Variants in MDC1 observed in about 807,000 individuals in gnomAD.
MDC1 encodes the protein mediator of DNA damage checkpoint 1.
A neutral mutation model predicts 142.5 loss-of-function variants in MDC1; 81 were observed. The ratio of observed to expected loss-of-function variants is 0.57; its 90% confidence interval spans 0.47 to 0.68. The LOEUF (loss-of-function observed/expected upper bound fraction) is 0.68, where lower values mean the gene tolerates loss of function less well. Ranked by LOEUF, MDC1 falls within the 30% of genes least tolerant of loss-of-function variation. The pLI is 0.00. For missense variants in MDC1, 2,119 were observed against 2,547.9 expected (o/e 0.83, Z 3.62); for synonymous variants, 797 against 968.4 (o/e 0.82, Z 3.29).
Position 30,712,665 on chromosome 6 carries a change from A to G in MDC1, c.1277T>C (p.Ile426Thr), listed in dbSNP as rs61733209. The G allele has an allele frequency of 1.6e-3, 2,555 of 1,612,944 alleles. 34 individuals carry two copies. The African/African-American group carries it at 0.03, about 19-fold the overall frequency. ...LAHLKESQPA[I>T]WNRDAEEDMP... ...GTCCTCTTCTGCATCTCTGTTCCAT[A>G]TAGCAGGCTGGCTCTCTTTCAGATG... Residue 426 changes from isoleucine to threonine, a missense_variant, in exon 5 of 15, where the codon ATA becomes ACA. Ile to Thr is a moderately conservative substitution (Grantham distance 89, BLOSUM62 -1). Transcript: ENST00000376406. The surrounding 1 kb of genome is among the most constrained non-coding windows in gnomAD (Gnocchi z 4.7).
Position 30,704,783 on chromosome 6 carries a change from G to A in MDC1, c.4400C>T (p.Pro1467Leu). ...CCTAGTAGCCTGAGACGTAGGCTCA[G>A]GGGTAACAGGCTGGTCTGTGGAGGT... ...PSTSTDQPVT[P>L]EPTSQATRGR... Residue 1467 changes from proline to leucine, a missense_variant, in exon 10 of 15, where the codon CCT becomes CTT. Pro to Leu is a moderately conservative substitution (Grantham distance 98). Transcript: ENST00000376406. 6.2e-7 allele frequency: 1 copy of A among 1,613,080 alleles called. No homozygotes were observed.
chr6:30,714,256 G>A (rs780707462), intron 2 of MDC1, 73 bp from the exon 3 acceptor site: 49 of 1,466,850 alleles, frequency 3.3e-5, no homozygotes, highest in Non-Finnish European at 4.4e-5. Flanking sequence ...TGCCTATTAG[G>A]TACTCTACTA....
Position 30,704,145 on chromosome 6 carries a change from G to T in MDC1, c.5038C>A (p.Gln1680Lys), listed in dbSNP as rs781383219. ...VTPEAIAQGG[Q>K]SKTLRSSTVR... ...GTGGAAGACCTCAGTGTTTTGCTCT[G>T]ACCACCCTGAGCTATGGCCTCAGGG... Residue 1680 changes from glutamine (Q) to lysine (K), a missense_variant, in exon 10 of 15, where the codon CAG becomes AAG. Transcript: ENST00000376406. 1.2e-6 allele frequency: 2 copies of T among 1,613,734 alleles called. No homozygotes were observed. The highest frequency in any genetic ancestry group is 1.7e-6 in the Non-Finnish European group (2 of 1,179,750).
rs1333565280 is a variant in MDC1 at position 30,712,544 on chromosome 6, A to G, written c.1398T>C (p.Asn466=). Residue 466 remains asparagine (N), a synonymous_variant, in exon 5 of 15, where the codon AAT becomes AAC. Coordinates refer to ENST00000376406, the MANE Select transcript of MDC1 (RefSeq NM_014641.3). This position sits in a 1 kb window ranked among gnomAD's most constrained non-coding sequence, Gnocchi z 4.7. The part of the protein sequence containing the change: ...DVEEEELPVE[N]REAVLKDHTK... ...TGTGATCCTTGAGGACAGCTTCTCT[A>G]TTTTCCACTGGGAGCTCTTCCTCCT... 19 of 1,611,620 alleles carry G rather than the reference A, an allele frequency of 1.2e-5. No homozygotes were observed. In the Admixed American group the frequency reaches 2.0e-4, roughly 17 times the overall value.
chr6:30,714,332 G>A, intron 2 of MDC1, 149 bp from the exon 3 acceptor site: 2 of 798,202 alleles, frequency 2.5e-6, no homozygotes, highest in Non-Finnish European at 3.8e-6. Context: ...CACTGAAAGA[G>A]TATATGCGAT....
chr6:30,707,919 C>T lies in MDC1; in HGVS notation c.2660G>A (p.Arg887Lys). 6.2e-7 allele frequency: 1 copy of T among 1,613,074 alleles called. No homozygotes were observed. Among genetic ancestry groups the T allele is most frequent in the Middle Eastern group, 1.6e-4 (1 of 6,062 alleles). The change falls in exon 8 of 15, where the codon AGG becomes AAG. Residue 887 changes from arginine (R) to lysine (K), a missense_variant. Arg to Lys is a conservative substitution (Grantham distance 26). Transcript: ENST00000376406. ...CTCAATTTCTACCTTCAAACTCTCC[C>T]TATCTCTTTCAGGACTTGCACTTTC... ...NGESASPERDRESLKVEIETS... is the reference protein window; with the variant it reads ...NGESASPERDKESLKVEIETS...
At position 30,705,832 on chromosome 6, in the gene MDC1, G is replaced by A. The variant is rs768803701; in HGVS notation, c.3351C>T (p.Pro1117=). ...IRTRKSSRMT[P]FPATSAAPEP... Reference sequence around the variant, plus strand: ...CAGGGGCAGCAGAGGTAGCTGGAAAGGGTGTCATTCTGGAGGACTTCCGAG... The same window carrying A: ...CAGGGGCAGCAGAGGTAGCTGGAAAAGGTGTCATTCTGGAGGACTTCCGAG... The change falls in exon 10 of 15, where the codon CCC becomes CCT. Residue 1117 remains proline (P), a synonymous_variant. Coordinates refer to ENST00000376406, the MANE Select transcript of MDC1 (RefSeq NM_014641.3). The A allele has an allele frequency of 9.3e-6, 15 of 1,612,098 alleles. No individual in the cohort carries two copies. The highest frequency in any genetic ancestry group is 3.3e-5 in the Admixed American group (2 of 59,806).
At chr6:30,710,586 G>A (rs138503053) in intron 7 of MDC1, among the ~76,000 whole-genome samples, 1,731 of 151,044 alleles carry the variant, frequency 0.011, 11 homozygotes, top group Middle Eastern at 0.028. Context: ...TAGTAGAGAC[G>A]GGGTTTCTCC....
At chr6:30,710,205 C>T (rs1774619834) in intron 7 of MDC1, among the ~76,000 whole-genome samples, 1 of 152,034 alleles carries the variant, frequency 6.6e-6, no homozygotes, top group Non-Finnish European at 1.5e-5. Context: ...TCTCCTGCTT[C>T]AGTCTCCCGA....
In MDC1 at chr6:30,705,411, G is replaced by C. The variant is rs763847944; in HGVS notation, c.3772C>G (p.Gln1258Glu). 14 of 1,605,610 alleles carry C rather than the reference G, an allele frequency of 8.7e-6. No individual in the cohort carries two copies. The highest frequency in any genetic ancestry group is 1.1e-5 in the South Asian group (1 of 90,246). Reference sequence around the variant, plus strand: ...TATGTGGGCTCAGAAGTGACAGGCTGGTCTGTGGAGGTGGAAGGCTGGAGC... The same window carrying C: ...TATGTGGGCTCAGAAGTGACAGGCTCGTCTGTGGAGGTGGAAGGCTGGAGC... The part of the protein sequence containing the change: ...PELQPSTSTD[Q>E]PVTSEPTYQA... The change falls in exon 10 of 15, where the codon CAG becomes GAG. Residue 1258 changes from glutamine (Q) to glutamate (E), a missense_variant. Coordinates refer to ENST00000376406, the MANE Select transcript of MDC1 (RefSeq NM_014641.3).
Position 30,712,413 on chromosome 6 carries a change from A to T in MDC1, c.1529T>A (p.Leu510Gln). The T allele has an allele frequency of 6.2e-7, 1 of 1,613,042 alleles. No individual in the cohort carries two copies. Reference sequence around the variant, plus strand: ...TGTGGTGGAGGCTTGGCTTCTCTCCAGGTGGATCCCAGGTGAGCTCTTATC... The same window carrying T: ...TGTGGTGGAGGCTTGGCTTCTCTCCTGGTGGATCCCAGGTGAGCTCTTATC... Reference protein sequence around the residue: ...EADKSSPGIHLERSQASTTVD... With the variant: ...EADKSSPGIHQERSQASTTVD... The change falls in exon 5 of 15, where the codon CTG becomes CAG. Residue 510 changes from leucine (L) to glutamine (Q), a missense_variant. Leu to Gln is a moderately radical substitution (Grantham distance 113, BLOSUM62 -2). Transcript: ENST00000376406. The surrounding 1 kb of genome is among the most constrained non-coding windows in gnomAD (Gnocchi z 4.7).
chr6:30,712,367 C>T lies in MDC1; in HGVS notation c.1575G>A (p.Val525=). The T allele has an allele frequency of 6.2e-7, 1 of 1,613,086 alleles. No homozygotes were observed. Among genetic ancestry groups the T allele is most frequent in the South Asian group, 1.1e-5 (1 of 91,084 alleles). ...CTGACCCTGGCGGGACTTCCTTCTC[C>T]ACTTGTGTGTTGATGTCCACTGTGG... ...ASTTVDINTQ[V]EKEVPPGSAI... The change falls in exon 5 of 15, where the codon GTG becomes GTA. Residue 525 remains valine (V), a synonymous_variant. Coordinates refer to ENST00000376406, the MANE Select transcript of MDC1 (RefSeq NM_014641.3). The surrounding 1 kb of genome is among the most constrained non-coding windows in gnomAD (Gnocchi z 4.7).
rs1774110349 is a variant in MDC1 at position 30,707,628 on chromosome 6, A to T, written c.2951T>A (p.Val984Glu). 1 of 1,612,910 alleles carries T rather than the reference A, an allele frequency of 6.2e-7. No individual in the cohort carries two copies. Among genetic ancestry groups the T allele is most frequent in the African/African-American group, 1.3e-5 (1 of 74,926 alleles). ...GDLPGPTSAP[V>E]PSGSQSGGRG... ...TCCACCTGACTGGCTCCCAGAAGGT[A>T]CGGGGGCTGAGGTAGGTCCCGGAAG... is the stretch of plus-strand genomic sequence containing the variant. Residue 984 changes from valine (V) to glutamate (E), a missense_variant, in exon 8 of 15, where the codon GTA becomes GAA. Transcript: ENST00000376406.
chr6:30,707,912 ACT>A lies in MDC1; in HGVS notation c.2665_2666del (p.Ser889PhefsTer6). 5 of 1,611,512 alleles carry A rather than the reference ACT, an allele frequency of 3.1e-6. No homozygotes were observed. Among genetic ancestry groups the A allele is most frequent in the Non-Finnish European group, 4.2e-6 (5 of 1,179,578 alleles). On this transcript the variant is annotated frameshift_variant, in exon 8 of 15. Coordinates refer to ENST00000376406, the MANE Select transcript of MDC1 (RefSeq NM_014641.3). LOFTEE classifies it high-confidence loss of function. ...ESASPERDRE[S>X]LKVEIETSEE... is the part of the protein sequence containing the mutation. ...CAGATGTCTCAATTTCTACCTTCAAACTCTCCCTATCTCTTTCAGGACTTGCA... is the reference window on the plus strand; with the variant it reads ...CAGATGTCTCAATTTCTACCTTCAAACTCCCTATCTCTTTCAGGACTTGCA...
At chr6:30,714,995 A>T in intron 2 of MDC1, 45 bp downstream of exon 2, 1 of 1,601,722 alleles carries the variant, frequency 6.2e-7, no homozygotes, top group Non-Finnish European at 8.5e-7. Context: ...TTACCACAAA[A>T]ATAAAAGATC....
chr6:30,710,707 T>C (rs972034611), intron 7 of MDC1, among the ~76,000 whole-genome samples: 3 of 152,212 alleles, frequency 2.0e-5, no homozygotes, highest in Non-Finnish European at 4.4e-5. Flanking sequence ...CCGGCCTACA[T>C]TTTCTTTATC....
rs1774171035 is a variant in MDC1, at chr6:30,707,863, G to A, written c.2716C>T (p.Gln906Ter). 1.9e-6 allele frequency: 3 copies of A among 1,612,970 alleles called. No individual in the cohort carries two copies. The highest frequency in any genetic ancestry group is 1.3e-5 in the African/African-American group (1 of 74,916). ...GCTTTGCTTGGAAGGGTCTGCTTCT[G>A]TACTTGTTTCTCTTGTATTTCCTCA... ...TSEEIQEKQVQKQTLPSKAFE... is the reference protein window; with the variant it reads ...TSEEIQEKQV Residue 906 changes from glutamine (Q) to a stop codon, truncating the protein, a stop_gained, in exon 8 of 15, where the codon CAG (glutamine) becomes TAG (stop). Transcript: ENST00000376406. LOFTEE classifies it high-confidence loss of function.
At chr6:30,714,918 T>G in intron 2 of MDC1, 122 bp downstream of exon 2, 1 of 1,108,734 alleles carries the variant, frequency 9.0e-7, no homozygotes, top group South Asian at 1.5e-5. Flanking sequence ...ATCTCTTCCA[T>G]TCATGAAAAA....
Position 30,708,107 on chromosome 6 carries a change from C to T in MDC1, c.2472G>A (p.Val824=), listed in dbSNP as rs1250501576. The T allele has an allele frequency of 2.5e-6, 4 of 1,613,010 alleles. No homozygotes were observed. The highest frequency in any genetic ancestry group is 2.2e-5 in the East Asian group (1 of 44,894). The stretch of plus-strand genomic sequence containing the variant: ...TCTCCAATGGCCCTCTCTCAGGGCC[C>T]ACCCTCTCTGCTGTTTCTTTTGGTA... ...MGIPKETAER[V]GPERGPLERE... is the part of the protein sequence containing the mutation. The change falls in exon 8 of 15, where the codon GTG becomes GTA. Residue 824 remains valine (V), a synonymous_variant. Transcript: ENST00000376406.
Sources: allele counts gnomAD v4.1 joint callset (sites outside exome capture counted in the v4.1 genomes callset), GRCh38; gene constraint gnomAD v4.1.1; non-coding constraint Gnocchi (gnomAD v3.1); transcripts MANE v1.5; gene names NCBI Gene and HGNC (gene_info 2026-07-23, HGNC 2026-07-21).